CCDC171: variants seen among roughly 807,000 people sequenced by gnomAD.
CCDC171 encodes the protein coiled-coil domain-containing protein 171.
A neutral mutation model predicts 168.2 loss-of-function variants in CCDC171; 177 were observed. That is an observed-to-expected ratio of 1.05 (90% CI 0.93 to 1.19). The LOEUF is 1.19. Ranked by LOEUF, CCDC171 falls within the 50% of genes most tolerant of loss-of-function variation. The pLI is 0.00. For missense variants in CCDC171, 1,991 were observed against 1,539.0 expected, an observed-to-expected ratio of 1.29 and a Z score of -4.91; for synonymous variants, 687 against 540.8, an observed-to-expected ratio of 1.27 and a Z score of -3.75.
chr9:15,887,334 G>A (rs949093372), intron 24 of CCDC171, among the ~76,000 whole-genome samples: 4 of 152,112 alleles, frequency 2.6e-5, no homozygotes. Flanking sequence ...AAATGGTTTA[G>A]AAAGTACTTT....
At chr9:15,860,722 T>C (rs2061522468) in intron 23 of CCDC171, among the ~76,000 whole-genome samples, 1 of 151,998 alleles carries the variant, frequency 6.6e-6, no homozygotes, top group Non-Finnish European at 1.5e-5. Flanking sequence ...CAATGCGTGT[T>C]CTGCTGCTGT....
At chr9:15,701,697 G>A (rs7037908) in intron 11 of CCDC171, among the ~76,000 whole-genome samples, 68,740 of 150,080 alleles carry the variant, frequency 0.46, 15,930 homozygotes, top group Non-Finnish European at 0.51. Flanking sequence ...TTTTAAAATT[G>A]AGGTCAATTG....
At chr9:15,872,118 T>C (rs1265190475) in intron 23 of CCDC171, among the ~76,000 whole-genome samples, 1 of 152,020 alleles carries the variant, frequency 6.6e-6, no homozygotes, top group Non-Finnish European at 1.5e-5. Flanking sequence ...CACTGTCAAG[T>C]TGATTCAACA....
chr9:15,571,858 C>T, intron 3 of CCDC171, 99 bp downstream of exon 3: 2 of 1,073,554 alleles, frequency 1.9e-6, no homozygotes, highest in Non-Finnish European at 2.7e-6. Flanking sequence ...TATAACTATA[C>T]CATTCTTGGG....
chr9:16,073,742 G>A, the CCDC171 span, among the ~76,000 whole-genome samples: 4 of 152,194 alleles, frequency 2.6e-5, no homozygotes, highest in Non-Finnish European at 5.9e-5. Context: ...GCATAGGTCG[G>A]TCATGAGTCA....
chr9:16,106,764 A>C, the CCDC171 span, among the ~76,000 whole-genome samples: 1 of 152,132 alleles, frequency 6.6e-6, no homozygotes, highest in Non-Finnish European at 1.5e-5. Context: ...CTAAACAATA[A>C]AACTAAATGC....
chr9:15,807,433 C>G (rs916532902), intron 21 of CCDC171, among the ~76,000 whole-genome samples: 2 of 152,072 alleles, frequency 1.3e-5, no homozygotes, highest in Non-Finnish European at 2.9e-5. Flanking sequence ...TAATTTTATC[C>G]TTTTGAGGCT....
intron 6 of CCDC171, among the ~76,000 whole-genome samples, chr9:15,598,653 T>A (rs867294855): frequency 6.6e-6 from 1 of 152,200 alleles, no homozygotes; most frequent in East Asian, 1.9e-4. Flanking sequence ...GTTCTGTAGA[T>A]GTCTATTAGG....
At chr9:15,732,760 G>A (rs2054232466) in intron 16 of CCDC171, among the ~76,000 whole-genome samples, 1 of 152,050 alleles carries the variant, frequency 6.6e-6, no homozygotes, top group Non-Finnish European at 1.5e-5. Flanking sequence ...TCCATGGAAA[G>A]GTTTTTGTGT....
In CCDC171 at chr9:15,957,055, A is replaced by G. The variant is rs865879235; in HGVS notation, c.3754-14554A>G. 8.6e-5 allele frequency among the ~76,000 whole-genome samples: 13 copies of G among 150,850 alleles called. No homozygotes were observed. In the South Asian group the frequency reaches 1.3e-3, roughly 15 times the overall value. On this transcript the variant is annotated intron_variant, in intron 25 of 25. Coordinates refer to ENST00000380701, the MANE Select transcript of CCDC171 (RefSeq NM_173550.4). ...TGTTTTTTTTTTTTTGAGGAGCTTAATGTATCACTATAATATTTCCTAGAT... is the reference window on the plus strand; with the variant it reads ...TGTTTTTTTTTTTTTGAGGAGCTTAGTGTATCACTATAATATTTCCTAGAT...
intron 10 of CCDC171, among the ~76,000 whole-genome samples, chr9:15,685,131 A>G (rs2050297209): frequency 6.6e-6 from 1 of 152,224 alleles, no homozygotes; most frequent in African/African-American, 2.4e-5. Flanking sequence ...TCAACAATTT[A>G]TCATTAACCT....
At chr9:15,967,716 G>A (rs1478786690) in intron 25 of CCDC171, among the ~76,000 whole-genome samples, 1 of 152,192 alleles carries the variant, frequency 6.6e-6, no homozygotes, top group Non-Finnish European at 1.5e-5. Context: ...AGAGTCCACT[G>A]ATCTTCAGTC....
intron 23 of CCDC171, among the ~76,000 whole-genome samples, chr9:15,866,738 CA>C (rs1372801208): frequency 5.9e-5 from 9 of 151,956 alleles, no homozygotes; most frequent in African/African-American, 2.2e-4. Context: ...AGAAACAAGA[CA>C]TTATAGATAA....
chr9:15,810,848 C>T (rs2059322354), intron 21 of CCDC171, among the ~76,000 whole-genome samples: 1 of 152,202 alleles, frequency 6.6e-6, no homozygotes, highest in Non-Finnish European at 1.5e-5. Context: ...AGAGGGGCTC[C>T]CACAGTGCAG....
At chr9:16,105,867 T>C in the CCDC171 span, among the ~76,000 whole-genome samples, 6 of 152,348 alleles carry the variant, frequency 3.9e-5, no homozygotes, top group African/African-American at 2.4e-5. Flanking sequence ...AGTTTGTATA[T>C]ATTATAAACT....
intron 7 of CCDC171, among the ~76,000 whole-genome samples, chr9:15,642,705 G>A (rs571300428): frequency 6.6e-6 from 1 of 151,958 alleles, no homozygotes; most frequent in South Asian, 2.1e-4. Context: ...GATAGTTTCA[G>A]TAATAATAAG....
chr9:15,613,132 C>T lies in CCDC171; in HGVS notation c.676-10135C>T, dbSNP rs150985321. Among the ~76,000 whole-genome samples, 22 of 152,244 alleles carry T rather than the reference C, an allele frequency of 1.4e-4. 1 individual carries two copies. The East Asian group carries it at 1.9e-3, about 13-fold the overall frequency. On this transcript the variant is annotated intron_variant, in intron 6 of 25. Coordinates refer to ENST00000380701, the MANE Select transcript of CCDC171 (RefSeq NM_173550.4). ...TATGGTTAGCTTTTTGAGGAACTGA[C>T]GGACTGTTTTCTAATGCTGCTGAAT... is the stretch of plus-strand genomic sequence containing the variant.
chr9:16,014,912 T>C (rs1335672644), intron 3 of CCDC171, among the ~76,000 whole-genome samples: 1 of 152,012 alleles, frequency 6.6e-6, no homozygotes, highest in Non-Finnish European at 1.5e-5. Flanking sequence ...GGTAAATGAG[T>C]ATTGGCTTCA....
chr9:15,666,224 T>A lies in CCDC171; in HGVS notation c.977T>A (p.Val326Asp), dbSNP rs770448682. Reference protein sequence around the residue: ...QVEKASQAEAVADLEIIKNEF... With the variant: ...QVEKASQAEADADLEIIKNEF... ...GAGAAGGCCAGTCAAGCAGAAGCTGTTGCTGATTTGGAAATTATCAAGAAT... is the reference window on the plus strand; with the variant it reads ...GAGAAGGCCAGTCAAGCAGAAGCTGATGCTGATTTGGAAATTATCAAGAAT... Residue 326 changes from valine to aspartate, a missense_variant, in exon 9 of 26, where the codon GTT (valine) becomes GAT (aspartate). Physicochemically the swap from Val to Asp is radical, Grantham distance 152. Transcript: ENST00000380701. 6 of 1,613,708 alleles carry A rather than the reference T, an allele frequency of 3.7e-6. No individual in the cohort carries two copies. The East Asian group carries it at 1.3e-4, about 36-fold the overall frequency.
Sources: gnomAD v4.1 joint callset for allele counts (sites outside exome capture counted in the v4.1 genomes callset) on GRCh38, gnomAD v4.1.1 for gene constraint, MANE v1.5 for transcripts, NCBI Gene and HGNC (gene_info 2026-07-23, HGNC 2026-07-21) for gene names.